The following ERICH1 variants were observed in gnomAD, a reference collection of about 807,000 sequenced individuals.
ERICH1 encodes the protein glutamate-rich protein 1.
ERICH1 carries 56 observed loss-of-function variants against 39.6 expected under a neutral mutation model. The ratio of observed to expected loss-of-function variants is 1.41; its 90% CI spans 1.14 to 1.77. ERICH1 has a LOEUF of 1.77. Ranked by LOEUF, ERICH1 falls within the 40% of genes most tolerant of loss-of-function variation. The pLI is 0.00. For synonymous variants in ERICH1, 313 were observed against 223.6 expected (o/e 1.40, Z -3.57); for missense variants, 826 against 575.4 (o/e 1.44, Z -4.45).
intron 2 of ERICH1, among the ~76,000 whole-genome samples, chr8:708,432 T>G (rs1246295152): frequency 6.6e-6 from 1 of 152,158 alleles, no homozygotes; most frequent in African/African-American, 2.4e-5. Context: ...AAACAAAATG[T>G]GGTCTATTCA....
At chr8:642,767 C>A (rs1799162332) in intron 3 of ERICH1, among the ~76,000 whole-genome samples, 3 of 152,132 alleles carry the variant, frequency 2.0e-5, no homozygotes, top group Admixed American at 2.0e-4. Flanking sequence ...TTCTCACCGG[C>A]TCAGAGGGTC....
At chr8:696,875 C>G (rs1405022194) in intron 2 of ERICH1, among the ~76,000 whole-genome samples, 1 of 144,482 alleles carries the variant, frequency 6.9e-6, no homozygotes. Context: ...TCCCCATCAG[C>G]CTGTGCGCGC....
At chr8:702,987 T>G (rs1812491739) in intron 2 of ERICH1, among the ~76,000 whole-genome samples, 1 of 152,198 alleles carries the variant, frequency 6.6e-6, no homozygotes, top group Non-Finnish European at 1.5e-5. Flanking sequence ...GGCCCAGAAC[T>G]GCCCACACCA....
At position 700,576 on chromosome 8, in the gene ERICH1, A is replaced by T. The variant is rs112348050; in HGVS notation, c.170-7964T>A. On this transcript the variant is annotated intron_variant, in intron 2 of 5. Coordinates refer to ENST00000262109, the MANE Select transcript of ERICH1 (RefSeq NM_207332.3). ...CGCGCACAGGCCCGCACAGGCGCAC[A>T]GACCCGCACACATGCACACGCCTGA... Among the ~76,000 whole-genome samples the T allele has an allele frequency of 7.3e-4, 91 of 124,064 alleles. 1 individual carries two copies. Among genetic ancestry groups the T allele is most frequent in the African/African-American group, 2.1e-3 (77 of 37,126 alleles). The allele number at this position is 124,064 out of a possible 152,430, so 81.4% of individuals were successfully genotyped here.
chr8:689,190 C>T (rs1480952326), intron 3 of ERICH1, among the ~76,000 whole-genome samples: 4 of 152,174 alleles, frequency 2.6e-5, no homozygotes, highest in East Asian at 1.9e-4. Context: ...CGGCTCACCA[C>T]GGCCTCCGCC....
intron 1 of ERICH1, among the ~76,000 whole-genome samples, chr8:721,214 A>G (rs1230124533): frequency 6.6e-6 from 1 of 152,266 alleles, no homozygotes; most frequent in African/African-American, 2.4e-5. Flanking sequence ...TAATATGTCT[A>G]AATATTTACA....
chr8:657,760 A>T (rs1050672229), intron 3 of ERICH1, among the ~76,000 whole-genome samples: 11 of 152,018 alleles, frequency 7.2e-5, no homozygotes, highest in African/African-American at 2.7e-4. Flanking sequence ...GTTAAATTAA[A>T]GGACTCAGTA....
At chr8:720,430 A>C (rs1817037604) in intron 1 of ERICH1, among the ~76,000 whole-genome samples, 1 of 152,248 alleles carries the variant, frequency 6.6e-6, no homozygotes, top group East Asian at 1.9e-4. Context: ...TCAGGATGCC[A>C]GGAAGAGCAT....
intron 3 of ERICH1, among the ~76,000 whole-genome samples, chr8:690,321 C>G (rs993958502): frequency 1.3e-5 from 2 of 152,240 alleles, no homozygotes; most frequent in Admixed American, 1.3e-4. Flanking sequence ...ACTGCTGGTA[C>G]TTAGGTCTTC....
At position 731,057 on chromosome 8, in the gene ERICH1, G is replaced by A. The variant is rs1042864649; in HGVS notation, c.22+83C>T. ...GGGTGGGGCCTGGAAAGGGGCCGGG[G>A]TCGGGGTCCCGAGTCAACACCGCGG... is the stretch of plus-strand genomic sequence containing the variant. On this transcript the variant is annotated intron_variant, in intron 1 of 5. Transcript: ENST00000262109. The A allele has an allele frequency of 1.1e-5, 15 of 1,356,030 alleles. 1 individual carries two copies. The highest frequency in any genetic ancestry group is 1.0e-4 in the South Asian group (6 of 59,898). 84.0% of individuals were successfully genotyped at this position (1,356,030 alleles called of 1,614,324 possible). A position where few individuals can be genotyped will look rare whatever the true frequency, so the allele number is the denominator to read the frequency against.
In ERICH1 at chr8:622,329, G is replaced by C. The variant is rs546724299; in HGVS notation, c.977-7045C>G. 3.3e-5 allele frequency among the ~76,000 whole-genome samples: 5 copies of C among 152,316 alleles called. No homozygotes were observed. The South Asian group carries it at 8.3e-4, about 25-fold the overall frequency. ...TCAGCAAAAGGTGATGTTATTAGGAGGTGGGGCCTTTGGAGAGTGACTAGG... is the reference window on the plus strand; with the variant it reads ...TCAGCAAAAGGTGATGTTATTAGGACGTGGGGCCTTTGGAGAGTGACTAGG... On this transcript the variant is annotated intron_variant, in intron 3 of 3. Coordinates refer to the ERICH1 transcript ENST00000522706.
chr8:616,424 C>G (rs189236189), intron 3 of ERICH1: 3 of 422,650 alleles, frequency 7.1e-6, no homozygotes, highest in East Asian at 1.4e-4. Flanking sequence ...GACCGAACCC[C>G]GCACACCCCA....
intron 3 of ERICH1, among the ~76,000 whole-genome samples, chr8:657,012 G>A (rs974121051): frequency 1.3e-5 from 2 of 152,240 alleles, no homozygotes; most frequent in Non-Finnish European, 2.9e-5. Flanking sequence ...TTAATAGATT[G>A]GGGAAGAGGG....
chr8:656,472 T>A (rs943850383), intron 3 of ERICH1, among the ~76,000 whole-genome samples: 3 of 152,252 alleles, frequency 2.0e-5, no homozygotes, highest in African/African-American at 7.2e-5. Flanking sequence ...CCCCACTTTT[T>A]TGTGAGAAGT....
rs140420094 is a variant in ERICH1, at chr8:682,344, G to C, written c.305-8297C>G. On this transcript the variant is annotated intron_variant, in intron 3 of 5. Transcript: ENST00000262109. ...AAGACAGTTGGCTCAGCAGGTCAAG[G>C]GGAAAACAACAGAGGCTTCATCCAA... 6.2e-3 allele frequency among the ~76,000 whole-genome samples: 940 copies of C among 152,312 alleles called. 4 individuals carry two copies. The highest frequency in any genetic ancestry group is 0.01 in the Non-Finnish European group (688 of 68,030).
intron 1 of ERICH1, among the ~76,000 whole-genome samples, chr8:717,059 G>C (rs980724014): frequency 1.3e-5 from 2 of 152,186 alleles, no homozygotes; most frequent in South Asian, 2.1e-4. Context: ...CCTGAGCACA[G>C]AGCTCAGTGG....
chr8:663,888 T>G (rs1489729726), downstream of ERICH1, among the ~76,000 whole-genome samples: 3 of 151,858 alleles, frequency 2.0e-5, no homozygotes, highest in African/African-American at 4.8e-5. Context: ...GCCTCCAGAG[T>G]AGCTGGGACT....
rs1274108948 is a variant in ERICH1, at chr8:692,470, C to T, written c.304+8G>A. 6.2e-7 allele frequency: 1 copy of T among 1,614,046 alleles called. No homozygotes were observed. Among genetic ancestry groups the T allele is most frequent in the Admixed American group, 1.7e-5 (1 of 59,984 alleles). ...GATGTCTACCTTTCCTCCCACCCAG[C>T]ATTTTACCTTCTGTGTCATCCCCGC... On this transcript the variant is annotated splice_region_variant and intron_variant, in intron 3 of 5. Transcript: ENST00000262109.
chr8:617,282 T>C lies in ERICH1; in HGVS notation c.977-1998A>G, dbSNP rs549624934. ...AGCGTGTTCTAAGTCAGAATGTTCC[T>C]GGTGGTTCAGGGCAGCTCAGAGGAT... is the stretch of plus-strand genomic sequence containing the variant. On this transcript the variant is annotated intron_variant, in intron 3 of 3. Transcript: ENST00000522706. 1.1e-4 allele frequency among the ~76,000 whole-genome samples: 16 copies of C among 152,284 alleles called. No individual in the cohort carries two copies. The South Asian group carries it at 3.1e-3, about 30-fold the overall frequency.
Sources: gnomAD v4.1 joint callset for allele counts (sites outside exome capture counted in the v4.1 genomes callset) on GRCh38, gnomAD v4.1.1 for gene constraint, MANE v1.5 for transcripts, NCBI Gene and HGNC (gene_info 2026-07-23, HGNC 2026-07-21) for gene names.